RAB27A: variants seen among roughly 807,000 people sequenced by gnomAD.
RAB27A encodes RAB27A, member RAS oncogene family, also known as ras-related protein Rab-27A.
A neutral mutation model predicts 20.8 loss-of-function variants in RAB27A; 17 were observed. The ratio of observed to expected loss-of-function variants is 0.82; its 90% CI spans 0.56 to 1.23. The LOEUF (loss-of-function observed/expected upper bound fraction) is 1.23, where lower values mean the gene tolerates loss of function less well. RAB27A is among the 50% of genes most tolerant of loss of function. RAB27A has a pLI of 0.00. For synonymous variants in RAB27A, 85 were observed against 92.8 expected, an observed-to-expected ratio of 0.92 and a Z score of 0.48; for missense variants, 277 against 266.7, an observed-to-expected ratio of 1.04 and a Z score of -0.27.
intron 2 of RAB27A, among the ~76,000 whole-genome samples, chr15:55,303,833 A>G (rs1595755999): frequency 1.9e-5 from 2 of 106,612 alleles, no homozygotes; most frequent in Non-Finnish European, 3.7e-5. Flanking sequence ...TCCGGGAGGG[A>G]GGTGGGGGGG....
At chr15:55,272,645 T>C (rs1293911575) in intron 1 of RAB27A, among the ~76,000 whole-genome samples, 1 of 152,250 alleles carries the variant, frequency 6.6e-6, no homozygotes, top group African/African-American at 2.4e-5. Context: ...AAAGATGGCA[T>C]GCTCAACATG....
At chr15:55,290,337 G>C (rs1898277949), upstream of RAB27A, 1 of 152,254 alleles carries the variant, frequency 6.6e-6, no homozygotes, top group African/African-American at 2.4e-5. Context: ...CGCCCCTGCG[G>C]CTCCTGGCTT....
At chr15:55,218,479 G>A (rs575614378) in intron 6 of RAB27A, among the ~76,000 whole-genome samples, 9 of 152,274 alleles carry the variant, frequency 5.9e-5, no homozygotes, top group East Asian at 1.9e-4. Context: ...TATTTGTACC[G>A]CATTTCATCT....
At chr15:55,252,905 C>A (rs572161296) in intron 2 of RAB27A, among the ~76,000 whole-genome samples, 28 of 152,132 alleles carry the variant, frequency 1.8e-4, no homozygotes, top group African/African-American at 6.5e-4. Flanking sequence ...GAGGCCAAGG[C>A]GGGTGGATCA....
intron 1 of RAB27A, among the ~76,000 whole-genome samples, chr15:55,286,275 T>A (rs142272494): frequency 6.6e-6 from 1 of 152,310 alleles, no homozygotes; most frequent in African/African-American, 2.4e-5. Context: ...GAGTGCTTAA[T>A]ATATGTCAGA....
intron 2 of RAB27A, among the ~76,000 whole-genome samples, chr15:55,310,241 G>T (rs946440062): frequency 6.6e-5 from 10 of 152,172 alleles, no homozygotes; most frequent in Non-Finnish European, 1.3e-4. Context: ...GACAGATCTG[G>T]AGGACAGTTG....
At chr15:55,221,080 A>T (rs976174445) in intron 6 of RAB27A, among the ~76,000 whole-genome samples, 1 of 152,184 alleles carries the variant, frequency 6.6e-6, no homozygotes, top group African/African-American at 2.4e-5. Context: ...CACACCCCTC[A>T]GATACCCCAT....
chr15:55,224,964 C>T (rs1895738138), intron 5 of RAB27A, among the ~76,000 whole-genome samples: 1 of 152,206 alleles, frequency 6.6e-6, no homozygotes, highest in Admixed American at 6.5e-5. Context: ...AGGCCTGATA[C>T]TCTGCATGGA....
intron 6 of RAB27A, among the ~76,000 whole-genome samples, chr15:55,210,782 T>C (rs1431720621): frequency 6.6e-6 from 1 of 152,148 alleles, no homozygotes; most frequent in Non-Finnish European, 1.5e-5. Flanking sequence ...AAATCCCATA[T>C]TTCTATTCTT....
intron 1 of RAB27A, among the ~76,000 whole-genome samples, chr15:55,284,090 A>C (rs907609988): frequency 6.6e-6 from 1 of 152,246 alleles, no homozygotes; most frequent in Admixed American, 6.5e-5. Flanking sequence ...ACTATGAAAA[A>C]ACAAGATTAG....
intron 2 of RAB27A, chr15:55,259,781 TGC>T (rs1897209124): frequency 1.3e-5 from 2 of 152,244 alleles, no homozygotes; most frequent in Non-Finnish European, 2.9e-5. Context: ...CCCAGTGATA[TGC>T]AATAAATGAA....
intron 1 of RAB27A, among the ~76,000 whole-genome samples, chr15:55,282,949 C>T (rs544808231): frequency 6.6e-6 from 1 of 151,464 alleles, no homozygotes; most frequent in African/African-American, 2.4e-5. Context: ...CAGCCTGAGC[C>T]CTACCCCACA....
rs371971000 is a variant in RAB27A, at chr15:55,301,669, C to T, written c.-112+12370G>A. On this transcript the variant is annotated intron_variant, in intron 2 of 5. Coordinates refer to the RAB27A transcript ENST00000563262. ...TCTTTTTTTTTTTTTTTTTTTGAGGCGGAGTCTCACTGTTTCCCAGGCTGG... is the reference window on the plus strand; with the variant it reads ...TCTTTTTTTTTTTTTTTTTTTGAGGTGGAGTCTCACTGTTTCCCAGGCTGG... 7.2e-3 allele frequency among the ~76,000 whole-genome samples: 668 copies of T among 92,174 alleles called. 9 individuals carry two copies. The highest frequency in any genetic ancestry group is 0.026 in the African/African-American group (607 of 23,580). 60.5% of individuals were successfully genotyped at this position (92,174 alleles called of 152,430 possible).
At chr15:55,317,800 A>G (rs2055062984) in intron 1 of RAB27A, 1 of 397,974 alleles carries the variant, frequency 2.5e-6, no homozygotes, top group African/African-American at 2.1e-5. Context: ...CATTGCTGCA[A>G]CAAATACAGC....
chr15:55,297,213 CAT>C (rs1302661888), intron 2 of RAB27A, among the ~76,000 whole-genome samples: 2 of 152,192 alleles, frequency 1.3e-5, no homozygotes, highest in Non-Finnish European at 2.9e-5. Flanking sequence ...CTTTTGAGAT[CAT>C]CTTATCTGAA....
At chr15:55,310,261 G>T (rs531602800) in intron 2 of RAB27A, among the ~76,000 whole-genome samples, 2 of 152,294 alleles carry the variant, frequency 1.3e-5, no homozygotes, top group Admixed American at 1.3e-4. Flanking sequence ...GTCCAGGACA[G>T]AAGAGTAAGA....
At chr15:55,297,749 G>T (rs2054955390) in intron 2 of RAB27A, among the ~76,000 whole-genome samples, 1 of 152,194 alleles carries the variant, frequency 6.6e-6, no homozygotes, top group Non-Finnish European at 1.5e-5. Flanking sequence ...AGCCCTGATA[G>T]TAGTAATGGA....
At chr15:55,267,825 G>C (rs1245209897) in intron 2 of RAB27A, among the ~76,000 whole-genome samples, 1 of 152,192 alleles carries the variant, frequency 6.6e-6, no homozygotes, top group African/African-American at 2.4e-5. Flanking sequence ...GGCGGAAGCT[G>C]AAACAGCCGC....
chr15:55,253,919 G>A (rs1032177613), intron 2 of RAB27A, among the ~76,000 whole-genome samples: 4 of 152,184 alleles, frequency 2.6e-5, no homozygotes, highest in Non-Finnish European at 5.9e-5. Flanking sequence ...TTATAACATG[G>A]ATAATTGATA....
Sources: gnomAD v4.1 joint callset for allele counts (sites outside exome capture counted in the v4.1 genomes callset) on GRCh38, gnomAD v4.1.1 for gene constraint, MANE v1.5 for transcripts, NCBI Gene and HGNC (gene_info 2026-07-23, HGNC 2026-07-21) for gene names.